EPS15: variants seen among roughly 807,000 people sequenced by gnomAD.
EPS15 encodes epidermal growth factor receptor pathway substrate 15.
A neutral mutation model predicts 113.8 loss-of-function variants in EPS15; 72 were observed. That is an observed-to-expected ratio of 0.63 (90% confidence interval 0.52 to 0.77). The LOEUF (loss-of-function observed/expected upper bound fraction) is 0.77. EPS15 is among the 30% of genes least tolerant of loss of function. The pLI is 0.00. For missense variants in EPS15, 1,048 were observed against 1,045.8 expected (o/e 1.00, Z -0.03); for synonymous variants, 344 against 363.4 (o/e 0.95, Z 0.61).
chr1:51,425,182 T>C (rs758513577), intron 12 of EPS15, among the ~76,000 whole-genome samples: 1 of 152,206 alleles, frequency 6.6e-6, no homozygotes, highest in Non-Finnish European at 1.5e-5. Flanking sequence ...TCTGATTCCA[T>C]GGAGCGGTGA....
chr1:51,388,189 T>C (rs946267297), intron 21 of EPS15, among the ~76,000 whole-genome samples: 2 of 152,158 alleles, frequency 1.3e-5, no homozygotes, highest in Admixed American at 1.3e-4. Flanking sequence ...CTCAACTACA[T>C]GGAAACTGAA....
intron 16 of EPS15, among the ~76,000 whole-genome samples, chr1:51,404,106 G>C (rs34903829): frequency 0.097 from 14,801 of 151,970 alleles, 781 homozygotes; most frequent in Non-Finnish European, 0.12. Flanking sequence ...CAGCACTTTG[G>C]GAGGCCGAGG....
At chr1:51,408,777 G>T (rs1267002255) in intron 14 of EPS15, among the ~76,000 whole-genome samples, 1 of 149,236 alleles carries the variant, frequency 6.7e-6, no homozygotes, top group African/African-American at 2.5e-5. Context: ...ACAGATGTGG[G>T]CCACCACGCC....
At chr1:51,450,438 G>T (rs1653449180) in intron 8 of EPS15, among the ~76,000 whole-genome samples, 1 of 151,668 alleles carries the variant, frequency 6.6e-6, no homozygotes, top group Admixed American at 6.6e-5. Context: ...CGTGTCACAT[G>T]GCAAGAGCAG....
intron 1 of EPS15, among the ~76,000 whole-genome samples, chr1:51,481,603 G>A (rs566719633): frequency 1.3e-5 from 2 of 152,176 alleles, no homozygotes; most frequent in Non-Finnish European, 2.9e-5. Flanking sequence ...AACCCAATAT[G>A]TAACAAATTG....
intron 1 of EPS15, among the ~76,000 whole-genome samples, chr1:51,488,648 G>C (rs529020064): frequency 6.6e-6 from 1 of 152,174 alleles, no homozygotes; most frequent in South Asian, 2.1e-4. Context: ...GAAGTGCAGT[G>C]ATACAATCAC....
Position 51,387,110 on chromosome 1 carries a change from C to G in EPS15, c.2119+7271G>C, listed in dbSNP as rs1487330528. On this transcript the variant is annotated intron_variant, in intron 21 of 24. Coordinates refer to ENST00000371733, the MANE Select transcript of EPS15 (RefSeq NM_001981.3). Reference sequence around the variant, plus strand: ...CACAAAGGGAAGCCCATCAGACTAACAGCGGATCTCTTGGCAGAAACTCCA... The same window carrying G: ...CACAAAGGGAAGCCCATCAGACTAAGAGCGGATCTCTTGGCAGAAACTCCA... 4.6e-5 allele frequency among the ~76,000 whole-genome samples: 7 copies of G among 152,334 alleles called. No individual in the cohort carries two copies. The South Asian group carries it at 8.3e-4, about 18-fold the overall frequency.
chr1:51,426,531 G>A (rs188237178), intron 12 of EPS15, among the ~76,000 whole-genome samples: 5 of 150,758 alleles, frequency 3.3e-5, no homozygotes, highest in African/African-American at 9.8e-5. Flanking sequence ...GGACAAACAC[G>A]ACCCTAGATG....
At chr1:51,512,758 T>A (rs1644646740) in intron 1 of EPS15, among the ~76,000 whole-genome samples, 1 of 151,670 alleles carries the variant, frequency 6.6e-6, no homozygotes, top group Non-Finnish European at 1.5e-5. Context: ...CTGACAATAA[T>A]ATACATGTTG....
chr1:51,459,199 T>C, intron 8 of EPS15: 1 of 152,248 alleles, frequency 6.6e-6, no homozygotes, highest in East Asian at 1.9e-4. Context: ...AGAAACTAAA[T>C]AATCAATACA....
Position 51,361,577 on chromosome 1 carries a change from A to C in EPS15, c.2360-222T>G, listed in dbSNP as rs560682205. ...TCCAGCTATGTGCAGCTAATGAAACAAATAGCAAAGTAAGGATGGGCCAGG... is the reference window on the plus strand; with the variant it reads ...TCCAGCTATGTGCAGCTAATGAAACCAATAGCAAAGTAAGGATGGGCCAGG... On this transcript the variant is annotated intron_variant, in intron 23 of 24. Coordinates refer to ENST00000371733, the MANE Select transcript of EPS15 (RefSeq NM_001981.3). Among the ~76,000 whole-genome samples the C allele has an allele frequency of 7.2e-5, 11 of 152,336 alleles. No homozygotes were observed. The East Asian group carries it at 1.7e-3, about 24-fold the overall frequency.
At chr1:51,495,337 A>ATTTATT (rs1226646182) in intron 1 of EPS15, among the ~76,000 whole-genome samples, 2 of 150,834 alleles carry the variant, frequency 1.3e-5, no homozygotes, top group East Asian at 3.9e-4. Context: ...AGTGAGTTTT[A>ATTTATT]TTTATTTTTA....
intron 24 of EPS15, among the ~76,000 whole-genome samples, chr1:51,358,676 C>G (rs1385288017): frequency 1.3e-5 from 2 of 149,226 alleles, no homozygotes; most frequent in Non-Finnish European, 3.0e-5. Context: ...AGCTGTTGTT[C>G]AAGACTCCTT....
At chr1:51,370,334 T>C (rs986921066) in intron 21 of EPS15, among the ~76,000 whole-genome samples, 12 of 152,092 alleles carry the variant, frequency 7.9e-5, no homozygotes, top group Non-Finnish European at 1.3e-4. Context: ...GGAGAAGGAG[T>C]GTTTTGGATT....
At chr1:51,394,723 A>G (rs1488953248) in intron 20 of EPS15, among the ~76,000 whole-genome samples, 1 of 152,246 alleles carries the variant, frequency 6.6e-6, no homozygotes, top group African/African-American at 2.4e-5. Context: ...ACACTTGTGT[A>G]GTCATCTCCC....
chr1:51,401,220 G>T, intron 18 of EPS15: 1 of 298,254 alleles, frequency 3.4e-6, no homozygotes, highest in Non-Finnish European at 6.1e-6. Flanking sequence ...CAAGAGTACT[G>T]GGAGGGTATT....
At chr1:51,446,179 T>C (rs1236549286) in intron 10 of EPS15, among the ~76,000 whole-genome samples, 1 of 152,208 alleles carries the variant, frequency 6.6e-6, no homozygotes, top group Admixed American at 6.5e-5. Context: ...GCAGACAAAC[T>C]ATAAAGCATT....
chr1:51,441,400 T>C (rs900579129), intron 11 of EPS15, among the ~76,000 whole-genome samples: 2 of 151,812 alleles, frequency 1.3e-5, no homozygotes, highest in Admixed American at 6.6e-5. Flanking sequence ...AAATGCTTCC[T>C]CAAACATTTC....
chr1:51,467,900 T>A (rs958699992), intron 5 of EPS15, among the ~76,000 whole-genome samples: 11 of 152,034 alleles, frequency 7.2e-5, no homozygotes, highest in Non-Finnish European at 1.5e-5. Context: ...GCCAAAAAGG[T>A]TGGGGACCGT....
Sources: gnomAD v4.1 joint callset for allele counts (sites outside exome capture counted in the v4.1 genomes callset) on GRCh38, gnomAD v4.1.1 for gene constraint, MANE v1.5 for transcripts, NCBI Gene and HGNC (gene_info 2026-07-23, HGNC 2026-07-21) for gene names.